Variants in NSMCE2 observed in about 807,000 individuals in gnomAD.
NSMCE2 encodes E3 SUMO-protein ligase NSE2.
Under a neutral mutation model 23.8 loss-of-function variants are expected in NSMCE2, and 24 were observed. The ratio of observed to expected loss-of-function variants is 1.01; its 90% CI spans 0.73 to 1.42. The LOEUF is 1.42. NSMCE2 is among the 40% of genes most tolerant of loss of function. NSMCE2 has a pLI of 0.00. For missense variants in NSMCE2, 284 were observed against 296.5 expected, an observed-to-expected ratio of 0.96 and a Z score of 0.31; for synonymous variants, 92 against 94.1, an observed-to-expected ratio of 0.98 and a Z score of 0.13.
At chr8:125,237,223 T>C (rs907516436) in intron 5 of NSMCE2, among the ~76,000 whole-genome samples, 4 of 152,138 alleles carry the variant, frequency 2.6e-5, no homozygotes, top group African/African-American at 9.7e-5. Context: ...GAACACCTAA[T>C]AGATTAAGGT....
chr8:125,351,423 GT>G (rs1813029384), intron 5 of NSMCE2: 1 of 151,920 alleles, frequency 6.6e-6, no homozygotes, highest in Non-Finnish European at 1.5e-5. Context: ...CGCTGTAAAT[GT>G]TAGTTCTTGT....
chr8:125,249,621 C>A (rs1168692611), intron 5 of NSMCE2, among the ~76,000 whole-genome samples: 2 of 152,154 alleles, frequency 1.3e-5, no homozygotes, highest in Non-Finnish European at 2.9e-5. Context: ...CCATTTGTGA[C>A]TATAAAAGGA....
intron 5 of NSMCE2, among the ~76,000 whole-genome samples, chr8:125,241,343 G>A (rs1437982303): frequency 6.6e-6 from 1 of 152,202 alleles, no homozygotes; most frequent in African/African-American, 2.4e-5. Context: ...TAATGCAGTT[G>A]AGGGGAGATA....
chr8:125,227,062 T>G (rs955281894), intron 5 of NSMCE2, among the ~76,000 whole-genome samples: 1 of 152,136 alleles, frequency 6.6e-6, no homozygotes, highest in African/African-American at 2.4e-5. Context: ...CTGAAACACC[T>G]GAGGCCACTC....
At chr8:125,324,612 T>G (rs1384668126) in intron 5 of NSMCE2, among the ~76,000 whole-genome samples, 1 of 48,872 alleles carries the variant, frequency 2.0e-5, no homozygotes, top group South Asian at 6.2e-4. Flanking sequence ...TCTGGCTCTG[T>G]TGCCCAGGCT....
At chr8:125,268,156 C>T (rs925998032) in intron 5 of NSMCE2, among the ~76,000 whole-genome samples, 2 of 151,674 alleles carry the variant, frequency 1.3e-5, no homozygotes, top group Non-Finnish European at 2.9e-5. Context: ...ATTTTTTGAG[C>T]CTGGGAGGTC....
intron 5 of NSMCE2, among the ~76,000 whole-genome samples, chr8:125,268,095 C>T (rs1210659477): frequency 6.6e-6 from 1 of 150,996 alleles, no homozygotes; most frequent in Non-Finnish European, 1.5e-5. Context: ...ATTAACTGGG[C>T]ATGATGGTGC....
At chr8:125,184,320 T>A (rs570223830) in intron 5 of NSMCE2, among the ~76,000 whole-genome samples, 1 of 152,182 alleles carries the variant, frequency 6.6e-6, no homozygotes, top group Admixed American at 6.5e-5. Context: ...TTCAAAAAAA[T>A]GATAAATGTT....
chr8:125,167,343 C>CT (rs1390689066), intron 4 of NSMCE2, among the ~76,000 whole-genome samples: 2 of 152,208 alleles, frequency 1.3e-5, no homozygotes, highest in East Asian at 3.9e-4. Flanking sequence ...ATAATATAGG[C>CT]TTTGTGTATT....
At chr8:125,092,597 T>TGAGAAGGATTCAGA (rs1487891885) in intron 1 of NSMCE2, among the ~76,000 whole-genome samples, 2 of 152,106 alleles carry the variant, frequency 1.3e-5, no homozygotes, top group East Asian at 3.8e-4. Context: ...AGCAATTGTA[T>TGAGAAGGATTCAGA]GAGAAGGATT....
intron 3 of NSMCE2, among the ~76,000 whole-genome samples, chr8:125,136,457 A>G (rs193260165): frequency 2.0e-5 from 3 of 152,272 alleles, no homozygotes; most frequent in Non-Finnish European, 2.9e-5. Context: ...AGATGACTTT[A>G]TGTTTTAGGT....
chr8:125,148,966 T>C (rs74940380), intron 3 of NSMCE2, among the ~76,000 whole-genome samples: 2,942 of 152,280 alleles, frequency 0.019, 87 homozygotes, highest in African/African-American at 0.068. Context: ...TTTTAACAAA[T>C]GGTTGCTGTA....
At chr8:125,318,723 A>T (rs762480567) in intron 5 of NSMCE2, among the ~76,000 whole-genome samples, 37 of 152,380 alleles carry the variant, frequency 2.4e-4, no homozygotes, top group Non-Finnish European at 4.4e-4. Flanking sequence ...CAAGGCATTG[A>T]CATCAGGCAT....
intron 6 of NSMCE2, among the ~76,000 whole-genome samples, 164 bp downstream of exon 6, chr8:125,357,483 A>G (rs1250961936): frequency 2.6e-5 from 4 of 152,182 alleles, no homozygotes; most frequent in Non-Finnish European, 5.9e-5. Flanking sequence ...TGGGCTGGAG[A>G]GAGCTGTCAG....
rs181817389 is a variant in NSMCE2, at chr8:125,202,343, C to T, written c.418+20087C>T. 1.9e-3 allele frequency among the ~76,000 whole-genome samples: 294 copies of T among 152,326 alleles called. 1 individual carries two copies. Among genetic ancestry groups the T allele is most frequent in the African/African-American group, 6.9e-3 (287 of 41,564 alleles). On this transcript the variant is annotated intron_variant, in intron 5 of 7. Coordinates refer to ENST00000287437, the MANE Select transcript of NSMCE2 (RefSeq NM_173685.4). ...ACCGGAGCTGTTCCTATTCAGCCATCTTGGAACGGACCAGCCCTGGATAAC... is the reference window on the plus strand; with the variant it reads ...ACCGGAGCTGTTCCTATTCAGCCATTTTGGAACGGACCAGCCCTGGATAAC...
chr8:125,213,707 C>CCCTTCCTTCCTTCCTTCTTT (rs376943652), intron 5 of NSMCE2, among the ~76,000 whole-genome samples: 5 of 123,418 alleles, frequency 4.1e-5, no homozygotes, highest in South Asian at 3.1e-4. Context: ...TTCCCTCCCT[C>CCCTTCCTTCCTTCCTTCTTT]CCTTCCTTCC....
intron 3 of NSMCE2, among the ~76,000 whole-genome samples, chr8:125,125,126 A>T (rs1387572608): frequency 1.3e-5 from 2 of 151,330 alleles, no homozygotes; most frequent in Non-Finnish European, 2.9e-5. Context: ...CTGTGAATGG[A>T]GATAGTTTTA....
chr8:125,098,612 A>G (rs772387996), intron 1 of NSMCE2, among the ~76,000 whole-genome samples: 7 of 152,076 alleles, frequency 4.6e-5, no homozygotes, highest in Non-Finnish European at 7.4e-5. Flanking sequence ...AGAATTGGTG[A>G]GAGTGGTTGG....
In NSMCE2 at chr8:125,303,308, G is replaced by A. The variant is rs77999397; in HGVS notation, c.419-53911G>A. On this transcript the variant is annotated intron_variant, in intron 5 of 7. Transcript: ENST00000287437. ...ACACCCTAAGTCAAGTTGTGTATTC[G>A]AGACCAAACTGCAGTGCAGAACATG... Among the ~76,000 whole-genome samples the A allele has an allele frequency of 7.5e-3, 1,140 of 152,202 alleles. 11 individuals carry two copies. The highest frequency in any genetic ancestry group is 0.025 in the African/African-American group (1,053 of 41,530).
Sources: gnomAD v4.1 joint callset for allele counts (sites outside exome capture counted in the v4.1 genomes callset) on GRCh38, gnomAD v4.1.1 for gene constraint, MANE v1.5 for transcripts, NCBI Gene and HGNC (gene_info 2026-07-23, HGNC 2026-07-21) for gene names.